Variants in AREL1 observed in about 807,000 individuals in gnomAD.
The protein encoded by AREL1 is apoptosis-resistant E3 ubiquitin protein ligase 1.
In AREL1, 62 loss-of-function variants were observed where a neutral mutation model predicts 99.0. The observed-to-expected ratio is 0.63, with a 90% CI of 0.51 to 0.77. The LOEUF (loss-of-function observed/expected upper bound fraction) is 0.77. Ranked by LOEUF, AREL1 falls within the 30% of genes least tolerant of loss-of-function variation. The pLI is 0.00. For missense variants in AREL1, 879 were observed against 1,027.6 expected (o/e 0.86, Z 1.98); for synonymous variants, 380 against 376.5 (o/e 1.01, Z -0.11).
At chr14:74,704,310 A>T (rs994977417) in intron 1 of AREL1, among the ~76,000 whole-genome samples, 2 of 152,180 alleles carry the variant, frequency 1.3e-5, no homozygotes, top group African/African-American at 4.8e-5. Context: ...ACACGGCCTC[A>T]TGAGGTCCTG....
intron 14 of AREL1, 61 bp downstream of exon 14, chr14:74,669,886 G>A (rs1289549976): frequency 2.5e-6 from 4 of 1,581,052 alleles, no homozygotes; most frequent in African/African-American, 2.7e-5. Context: ...AAGCCCAGGA[G>A]GAGAGATTTC....
chr14:74,682,050 G>C (rs565365253), intron 5 of AREL1, among the ~76,000 whole-genome samples: 25 of 152,270 alleles, frequency 1.6e-4, no homozygotes, highest in Admixed American at 1.5e-3. Context: ...AAAAAGGCTG[G>C]TACATGTAAG....
rs1161788673 is a variant in AREL1 at position 74,669,715 on chromosome 14, ATT to A, written c.1846_1847del (p.Asn616Ter). 6.2e-7 allele frequency: 1 copy of A among 1,614,170 alleles called. No homozygotes were observed. The highest frequency in any genetic ancestry group is 1.1e-5 in the South Asian group (1 of 91,088). On this transcript the variant is annotated frameshift_variant, in exon 15 of 20. Transcript: ENST00000356357. LOFTEE classifies it high-confidence loss of function. ...AGACCAGCTCCATCTCACTCATGTC[ATT>A]GTTGAGGATAAAACAAACTTTAGAT... Reference protein sequence around the residue: ...YKSKVCFILNNDMSEMELVFA... With the variant: ...YKSKVCFILNXDMSEMELVFA...
chr14:74,679,581 C>T (rs1566687807), intron 5 of AREL1, among the ~76,000 whole-genome samples: 1 of 152,120 alleles, frequency 6.6e-6, no homozygotes, highest in Non-Finnish European at 1.5e-5. Context: ...AATCCTAGCA[C>T]TTTGGGAGGC....
intron 9 of AREL1, among the ~76,000 whole-genome samples, chr14:74,673,468 A>G (rs1036966372): frequency 1.1e-4 from 17 of 152,242 alleles, no homozygotes; most frequent in Admixed American, 9.8e-4. Context: ...CTAACATAAA[A>G]TATAAGAAGG....
intron 1 of AREL1, among the ~76,000 whole-genome samples, chr14:74,699,587 C>A (rs145275793): frequency 1.3e-5 from 2 of 152,254 alleles, no homozygotes; most frequent in African/African-American, 4.8e-5. Flanking sequence ...ATACTGCTCT[C>A]ATTTATTTTA....
At chr14:74,696,487 G>A (rs1464924068) in intron 1 of AREL1, among the ~76,000 whole-genome samples, 1 of 151,830 alleles carries the variant, frequency 6.6e-6, no homozygotes, top group Non-Finnish European at 1.5e-5. Flanking sequence ...ACTGTATCCG[G>A]GTTGCTAAAA....
intron 5 of AREL1, 129 bp from the exon 6 acceptor site, chr14:74,676,881 C>T (rs1471284387): frequency 1.4e-5 from 10 of 737,110 alleles, no homozygotes; most frequent in Admixed American, 3.8e-5. Flanking sequence ...ACTGCAAGCT[C>T]TGCCTTCCGG....
In AREL1 at chr14:74,663,192, C is replaced by T. The variant is rs918846743; in HGVS notation, c.*528G>A. 1.6e-5 allele frequency: 3 copies of T among 183,506 alleles called. No individual in the cohort carries two copies. The highest frequency in any genetic ancestry group is 2.3e-5 in the Non-Finnish European group (2 of 85,180). The allele number at this position is 183,506 out of a possible 1,614,324, so 11.4% of individuals were successfully genotyped here. A position where few individuals can be genotyped will look rare whatever the true frequency, so the allele number is the denominator to read the frequency against. On this transcript the variant is annotated 3_prime_UTR_variant, in exon 20 of 20. Coordinates refer to ENST00000356357, the MANE Select transcript of AREL1 (RefSeq NM_001039479.2). ...ATGGCCTATGCCTACCATTGTGCAG[C>T]GGGACTGCTCCTATGGGCCACCTCC...
At chr14:74,699,930 G>C (rs1378486748) in intron 1 of AREL1, among the ~76,000 whole-genome samples, 1 of 152,232 alleles carries the variant, frequency 6.6e-6, no homozygotes, top group African/African-American at 2.4e-5. Context: ...GTGATATGGA[G>C]TGCCTTGGGG....
rs2089104602 is a variant in AREL1 at position 74,662,383 on chromosome 14, G to A, written c.*1337C>T. The A allele has an allele frequency of 2.6e-6, 1 of 391,550 alleles. No individual in the cohort carries two copies. Among genetic ancestry groups the A allele is most frequent in the African/African-American group, 2.1e-5 (1 of 48,486 alleles). 24.3% of individuals were successfully genotyped at this position (391,550 alleles called of 1,614,324 possible). On this transcript the variant is annotated 3_prime_UTR_variant, in exon 20 of 20. Transcript: ENST00000356357. Reference sequence around the variant, plus strand: ...TATTCTCAGAGTTGACTGCCCCATTGGGAATGGTAGCTTGCAGCAAAGCCT... The same window carrying A: ...TATTCTCAGAGTTGACTGCCCCATTAGGAATGGTAGCTTGCAGCAAAGCCT...
chr14:74,672,881 G>T lies in AREL1; in HGVS notation c.1372C>A (p.Pro458Thr). 2 of 1,614,194 alleles carry T rather than the reference G, an allele frequency of 1.2e-6. No individual in the cohort carries two copies. The highest frequency in any genetic ancestry group is 1.7e-6 in the Non-Finnish European group (2 of 1,180,020). Reference protein sequence around the residue: ...RELRQVHMKRPHSKVTLKVSR... With the variant: ...RELRQVHMKRTHSKVTLKVSR... ...ACCTTCAGGGTGACTTTGGAATGTG[G>T]TCTTTTCATATGTACCTGCCGAAGC... Residue 458 changes from proline (P) to threonine (T), a missense_variant, in exon 11 of 20, where the codon CCA (proline) becomes ACA (threonine). Physicochemically the swap from Pro to Thr is conservative, Grantham distance 38. Coordinates refer to ENST00000356357, the MANE Select transcript of AREL1 (RefSeq NM_001039479.2).
At position 74,670,126 on chromosome 14, in the gene AREL1, C is replaced by T. The variant is rs777159161; in HGVS notation, c.1609G>A (p.Val537Met). Reference protein sequence around the residue: ...TRFSDNNQALVHPNPNRPAHL... With the variant: ...TRFSDNNQALMHPNPNRPAHL... ...GCGGGGCGATTAGGGTTGGGATGCA[C>T]CTGTCCAAGAAAGAGACTGAAAGGC... The change falls in exon 14 of 20, where the codon GTG becomes ATG. Residue 537 changes from valine to methionine, a missense_variant and splice_region_variant. Physicochemically the swap from Val to Met is conservative, Grantham distance 21 (BLOSUM62 1). Coordinates refer to ENST00000356357, the MANE Select transcript of AREL1 (RefSeq NM_001039479.2). 4 of 1,598,366 alleles carry T rather than the reference C, an allele frequency of 2.5e-6. No individual in the cohort carries two copies. The East Asian group carries it at 6.7e-5, about 27-fold the overall frequency.
chr14:74,676,029 C>G, intron 7 of AREL1, 83 bp from the exon 8 acceptor site: 2 of 1,549,232 alleles, frequency 1.3e-6, no homozygotes, highest in Non-Finnish European at 8.7e-7. Flanking sequence ...GTCCACAGGA[C>G]AAGCCAAATG....
At chr14:74,665,265 CTTTT>C (rs1360750780) in intron 17 of AREL1, among the ~76,000 whole-genome samples, 1 of 148,068 alleles carries the variant, frequency 6.8e-6, no homozygotes, top group Admixed American at 6.7e-5. Flanking sequence ...GTATTTCTTT[CTTTT>C]CTTTTTTTTT....
At chr14:74,698,450 C>T (rs1472405044) in intron 1 of AREL1, among the ~76,000 whole-genome samples, 1 of 152,170 alleles carries the variant, frequency 6.6e-6, no homozygotes, top group East Asian at 1.9e-4. Context: ...TCACAGACTA[C>T]CAACATCTAT....
intron 5 of AREL1, among the ~76,000 whole-genome samples, chr14:74,682,410 CA>C (rs2089650375): frequency 1.3e-5 from 2 of 152,168 alleles, no homozygotes; most frequent in African/African-American, 4.8e-5. Flanking sequence ...CATGTCAACA[CA>C]AAAACTTGTA....
At chr14:74,683,650 A>G in intron 4 of AREL1, 117 bp from the exon 5 acceptor site, 1 of 836,710 alleles carries the variant, frequency 1.2e-6, no homozygotes, top group Non-Finnish European at 2.0e-6. Context: ...AAATCCCAGT[A>G]CCTACCCTGT....
intron 1 of AREL1, among the ~76,000 whole-genome samples, chr14:74,695,928 G>A (rs1277871681): frequency 6.6e-6 from 1 of 152,228 alleles, no homozygotes; most frequent in African/African-American, 2.4e-5. Flanking sequence ...ATCTCTAACA[G>A]GTTCACAGGT....
Sources: allele counts gnomAD v4.1 joint callset (sites outside exome capture counted in the v4.1 genomes callset), GRCh38; gene constraint gnomAD v4.1.1; transcripts MANE v1.5; gene names NCBI Gene and HGNC (gene_info 2026-07-23, HGNC 2026-07-21).